Variants in EPS15L1 observed in about 807,000 individuals in gnomAD.
The protein encoded by EPS15L1 is epidermal growth factor receptor substrate 15-like 1.
A neutral mutation model predicts 117.1 loss-of-function variants in EPS15L1; 43 were observed. The observed-to-expected ratio is 0.37, with a 90% CI of 0.29 to 0.47. EPS15L1 has a LOEUF of 0.47. Ranked by LOEUF, EPS15L1 falls within the 20% of genes least tolerant of loss-of-function variation. EPS15L1 has a pLI of 0.99. For synonymous variants in EPS15L1, 459 were observed against 470.5 expected, an observed-to-expected ratio of 0.98 and a Z score of 0.32; for missense variants, 981 against 1,164.0, an observed-to-expected ratio of 0.84 and a Z score of 2.29.
At chr19:16,437,265 C>T (rs2145049380) in intron 5 of EPS15L1, among the ~76,000 whole-genome samples, 1 of 152,324 alleles carries the variant, frequency 6.6e-6, no homozygotes, top group Middle Eastern at 3.4e-3. Context: ...AAATAACCCA[C>T]ATGTCCAGAG....
chr19:16,413,365 C>A, intron 13 of EPS15L1: 1 of 693,166 alleles, frequency 1.4e-6, no homozygotes. Flanking sequence ...GACTGCTACA[C>A]CTCAGCCAGG....
Position 16,448,420 on chromosome 19 carries a change from C to T in EPS15L1, c.34-6201G>A, listed in dbSNP as rs867547687. On this transcript the variant is annotated intron_variant, in intron 1 of 23. Transcript: ENST00000455140. ...TGGCGCATGCCTGTAATCCCAGCTA[C>T]TCGGGAGGCTGAGGCAGGAGAATCG... 1.1e-4 allele frequency among the ~76,000 whole-genome samples: 17 copies of T among 151,726 alleles called. No homozygotes were observed. In the South Asian group the frequency reaches 3.5e-3, roughly 32 times the overall value.
chr19:16,434,639 C>T, intron 6 of EPS15L1, 149 bp from the exon 7 acceptor site: 3 of 828,482 alleles, frequency 3.6e-6, no homozygotes, highest in Non-Finnish European at 5.6e-6. Context: ...ACAGTCTTGG[C>T]CCCTTGGTTT....
In EPS15L1 at chr19:16,355,735, C is replaced by A. The variant is rs1257121389; in HGVS notation, c.2703G>T (p.Ala901=). 6.5e-7 allele frequency: 1 copy of A among 1,535,840 alleles called. No homozygotes were observed. Among genetic ancestry groups the A allele is most frequent in the African/African-American group, 1.4e-5 (1 of 73,060 alleles). The change falls in exon 24 of 24, where the codon GCG becomes GCT. Residue 901 remains alanine (A), a synonymous_variant. Coordinates refer to ENST00000455140, the MANE Select transcript of EPS15L1 (RefSeq NM_001258374.3). The part of the protein sequence containing the change: ...QEQEDLELAI[A]LSKADMPAA Reference sequence around the variant, plus strand: ...CGGCAGGCATGTCAGCCTTGCTGAGCGCGATGGCCAGTTCCAGGTCCTCCT... The same window carrying A: ...CGGCAGGCATGTCAGCCTTGCTGAGAGCGATGGCCAGTTCCAGGTCCTCCT...
chr19:16,380,661 T>C (rs1468249806), intron 21 of EPS15L1, among the ~76,000 whole-genome samples: 1 of 151,998 alleles, frequency 6.6e-6, no homozygotes, highest in Non-Finnish European at 1.5e-5. Context: ...ACACAGCTAT[T>C]TGAGGCTCTA....
At position 16,404,202 on chromosome 19, in the gene EPS15L1, T is replaced by C. The variant is rs2092631244; in HGVS notation, c.1429-272A>G. Among the ~76,000 whole-genome samples, 1 of 151,928 alleles carries C rather than the reference T, an allele frequency of 6.6e-6. No individual in the cohort carries two copies. Among genetic ancestry groups the C allele is most frequent in the Admixed American group, 6.6e-5 (1 of 15,254 alleles). ...TGACCAAGCACGAACAATCTGTCCA[T>C]CCCCCCAGAGGCTGAACGTCATAGA... On this transcript the variant is annotated intron_variant, in intron 14 of 23. Transcript: ENST00000455140. The surrounding 1 kb of genome is among the most constrained non-coding windows in gnomAD (Gnocchi z 4.2).
chr19:16,361,919 G>A lies in EPS15L1; in HGVS notation c.2446C>T (p.Pro816Ser). 6.2e-7 allele frequency: 1 copy of A among 1,614,082 alleles called. No individual in the cohort carries two copies. Residue 816 changes from proline to serine, a missense_variant, in exon 23 of 24, where the codon CCA (proline) becomes TCA (serine). Transcript: ENST00000455140. ...GGGTCGCCGCTGTCAGCCCCGAGTG[G>A]CTGGAATGGATCGGGGGCCTCGGGA... is the stretch of plus-strand genomic sequence containing the variant. ...DFPEAPDPFQ[P>S]LGADSGDPFQ... is the part of the protein sequence containing the mutation.
chr19:16,378,007 A>G (rs974825625), intron 21 of EPS15L1, among the ~76,000 whole-genome samples: 3 of 152,332 alleles, frequency 2.0e-5, no homozygotes, highest in South Asian at 2.1e-4. Flanking sequence ...AGAGATAGTT[A>G]TAACAATTGG....
rs575555874 is a variant in EPS15L1 at position 16,377,962 on chromosome 19, G to A, written c.2248-708C>T. ...ACACCTGCTGTCTCAAACCCAAATC[G>A]GACCATATCCTCCAGCTTAAAGAGA... is the stretch of plus-strand genomic sequence containing the variant. On this transcript the variant is annotated intron_variant, in intron 21 of 23. Coordinates refer to ENST00000455140, the MANE Select transcript of EPS15L1 (RefSeq NM_001258374.3). 5.3e-5 allele frequency among the ~76,000 whole-genome samples: 8 copies of A among 152,272 alleles called. No individual in the cohort carries two copies. In the East Asian group the frequency reaches 7.7e-4, roughly 15 times the overall value.
Position 16,417,938 on chromosome 19 carries a change from C to T in EPS15L1, c.1107+10G>A, listed in dbSNP as rs1256658775. The stretch of plus-strand genomic sequence containing the variant: ...GTCAATACCCCCAGGGCATGACCAG[C>T]ACCACTCACCGGGCCGGGCGTGCCT... On this transcript the variant is annotated intron_variant, in intron 11 of 23. Coordinates refer to ENST00000455140, the MANE Select transcript of EPS15L1 (RefSeq NM_001258374.3). 1 of 1,610,514 alleles carries T rather than the reference C, an allele frequency of 6.2e-7. No individual in the cohort carries two copies. Among genetic ancestry groups the T allele is most frequent in the Non-Finnish European group, 8.5e-7 (1 of 1,178,418 alleles).
intron 7 of EPS15L1, among the ~76,000 whole-genome samples, chr19:16,429,791 T>C (rs1475456649): frequency 6.6e-6 from 1 of 152,128 alleles, no homozygotes; most frequent in Non-Finnish European, 1.5e-5. Context: ...TCCACCTACT[T>C]TACCAGGGAT....
chr19:16,461,776 TG>T (rs540282916), intron 1 of EPS15L1, among the ~76,000 whole-genome samples: 53 of 152,304 alleles, frequency 3.5e-4, no homozygotes, highest in Non-Finnish European at 6.5e-4. Flanking sequence ...CCAGCCCTGG[TG>T]GTGCCCTGAC....
chr19:16,409,333 C>CA (rs1457337897), intron 13 of EPS15L1, among the ~76,000 whole-genome samples: 1 of 152,080 alleles, frequency 6.6e-6, no homozygotes, highest in Admixed American at 6.6e-5. Flanking sequence ...ATGCTATATA[C>CA]AAAAATTAAC....
chr19:16,455,283 A>G (rs1322143455), intron 1 of EPS15L1, among the ~76,000 whole-genome samples: 1 of 150,082 alleles, frequency 6.7e-6, no homozygotes, highest in Non-Finnish European at 1.5e-5. Flanking sequence ...ATGTGTGGCT[A>G]ATTTTTTTTT....
Position 16,471,840 on chromosome 19 carries a change from G to A in EPS15L1, c.33+73C>T. On this transcript the variant is annotated intron_variant, in intron 1 of 23. Coordinates refer to ENST00000455140, the MANE Select transcript of EPS15L1 (RefSeq NM_001258374.3). This position sits in a 1 kb window ranked among gnomAD's most constrained non-coding sequence, Gnocchi z 4.8. ...CCGCCGCCTGGCTGAGTCTCCCAGC[G>A]CCTCAGCCTCGCCGCACCGCTCGCC... The A allele has an allele frequency of 1.1e-6, 1 of 896,954 alleles. No individual in the cohort carries two copies. Among genetic ancestry groups the A allele is most frequent in the Non-Finnish European group, 1.5e-6 (1 of 679,378 alleles). The allele number at this position is 896,954 out of a possible 1,614,324, so 55.6% of individuals were successfully genotyped here. A position where few individuals can be genotyped will look rare whatever the true frequency, so the allele number is the denominator to read the frequency against.
At chr19:16,380,689 T>C (rs1438258419) in intron 21 of EPS15L1, among the ~76,000 whole-genome samples, 1 of 152,200 alleles carries the variant, frequency 6.6e-6, no homozygotes, top group Non-Finnish European at 1.5e-5. Context: ...GTCACACCGA[T>C]GCGGTCGTCT....
intron 7 of EPS15L1, among the ~76,000 whole-genome samples, chr19:16,434,093 G>A (rs2092955581): frequency 6.6e-6 from 1 of 152,200 alleles, no homozygotes; most frequent in Non-Finnish European, 1.5e-5. Flanking sequence ...CAAAGCCCCA[G>A]GCAGCAATTT....
At position 16,355,401 on chromosome 19, in the gene EPS15L1, C is replaced by G; in HGVS notation, c.*304G>C. The G allele has an allele frequency of 2.9e-6, 1 of 342,658 alleles. No individual in the cohort carries two copies. The highest frequency in any genetic ancestry group is 5.3e-6 in the Non-Finnish European group (1 of 187,286). 21.2% of individuals were successfully genotyped at this position (342,658 alleles called of 1,614,324 possible). On this transcript the variant is annotated 3_prime_UTR_variant, in exon 24 of 24. Transcript: ENST00000455140. ...GGAGGCGGGGAAGCCCTGGGTGCTT[C>G]CTCTCCTCGACTGACCGCTGTGTGT...
chr19:16,385,678 C>G (rs192230234), intron 20 of EPS15L1, among the ~76,000 whole-genome samples: 201 of 152,264 alleles, frequency 1.3e-3, no homozygotes, highest in African/African-American at 4.6e-3. Context: ...ACCCGCCCCA[C>G]GCAAGCTGCA....
Sources: allele counts gnomAD v4.1 joint callset (sites outside exome capture counted in the v4.1 genomes callset), GRCh38; gene constraint gnomAD v4.1.1; non-coding constraint Gnocchi (gnomAD v3.1); transcripts MANE v1.5; gene names NCBI Gene and HGNC (gene_info 2026-07-23, HGNC 2026-07-21).